The following MAGI2 variants were observed in gnomAD, a reference collection of about 807,000 sequenced individuals.
MAGI2 encodes membrane associated guanylate kinase, WW and PDZ domain containing 2, also known as membrane-associated guanylate kinase, WW and PDZ domain-containing protein 2.
A neutral mutation model predicts 133.3 loss-of-function variants in MAGI2; 35 were observed. The ratio of observed to expected loss-of-function variants is 0.26; its 90% CI spans 0.20 to 0.35. The LOEUF (loss-of-function observed/expected upper bound fraction) is 0.35. Among genes scored for constraint, MAGI2 ranks in the 10% least tolerant of loss-of-function variants. MAGI2 has a pLI of 1.00. For missense variants in MAGI2, 1,636 were observed against 1,863.4 expected, an observed-to-expected ratio of 0.88 and a Z score of 2.25; for synonymous variants, 729 against 710.6, an observed-to-expected ratio of 1.03 and a Z score of -0.41.
At chr7:78,174,042 T>C (rs957081600) in intron 14 of MAGI2, among the ~76,000 whole-genome samples, 20 of 152,224 alleles carry the variant, frequency 1.3e-4, no homozygotes, top group African/African-American at 4.8e-4. Context: ...TTTCTGGGAC[T>C]AGGCCACTTT....
intron 1 of MAGI2, among the ~76,000 whole-genome samples, chr7:79,393,114 T>C (rs548857268): frequency 1.3e-5 from 2 of 152,318 alleles, no homozygotes; most frequent in South Asian, 2.1e-4. Flanking sequence ...AACTTGATCA[T>C]AATCTTTAAA....
chr7:78,484,145 A>G (rs1228919499), intron 6 of MAGI2: 1 of 151,976 alleles, frequency 6.6e-6, no homozygotes, highest in Non-Finnish European at 1.5e-5. Context: ...ACACAAAAGT[A>G]TGAATCTTTT....
intron 1 of MAGI2, among the ~76,000 whole-genome samples, chr7:79,284,543 A>G (rs895126573): frequency 6.6e-6 from 1 of 152,116 alleles, no homozygotes; most frequent in Non-Finnish European, 1.5e-5. Flanking sequence ...CTCTTTCTCT[A>G]TTGAAAAATG....
chr7:79,033,494 A>G, intron 1 of MAGI2, among the ~76,000 whole-genome samples: 1 of 137,872 alleles, frequency 7.3e-6, no homozygotes, highest in East Asian at 2.0e-4. Flanking sequence ...GTAAACTTTA[A>G]TCTATACCTT....
At chr7:78,988,486 T>C (rs1805469353) in intron 2 of MAGI2, among the ~76,000 whole-genome samples, 1 of 152,054 alleles carries the variant, frequency 6.6e-6, no homozygotes, top group African/African-American at 2.4e-5. Flanking sequence ...GAAGGTTCAT[T>C]TTAAACAAAA....
At position 78,853,332 on chromosome 7, in the gene MAGI2, C is replaced by CTTTTTTTTTTTTTTTTTTTTTTTTTTT. The variant is rs60580466; in HGVS notation, c.418+153731_418+153757dup. ...CTCATATTACTCTTGTCCATTCGTT[C>CTTTTTTTTTTTTTTTTTTTTTTTTTTT]TTTTTTTTTTTTTTTTTTTTTTTTT... On this transcript the variant is annotated intron_variant, in intron 2 of 21. Coordinates refer to ENST00000354212, the MANE Select transcript of MAGI2 (RefSeq NM_012301.4). Among the ~76,000 whole-genome samples the CTTTTTTTTTTTTTTTTTTTTTTTTTTT allele has an allele frequency of 8.0e-5, 2 of 25,076 alleles. 1 individual carries two copies. Among genetic ancestry groups the CTTTTTTTTTTTTTTTTTTTTTTTTTTT allele is most frequent in the Non-Finnish European group, 1.4e-4 (2 of 13,910 alleles). 16.5% of individuals were successfully genotyped at this position (25,076 alleles called of 152,430 possible).
In MAGI2 at chr7:78,941,728, T is replaced by TCACACACACACA. The variant is rs3068585; in HGVS notation, c.418+65350_418+65361dup. 2.0e-3 allele frequency among the ~76,000 whole-genome samples: 249 copies of TCACACACACACA among 123,440 alleles called. 2 individuals carry two copies. The highest frequency in any genetic ancestry group is 8.4e-3 in the Middle Eastern group (2 of 238). The allele number at this position is 123,440 out of a possible 152,430, so 81.0% of individuals were successfully genotyped here. A position where few individuals can be genotyped will look rare whatever the true frequency, so the allele number is the denominator to read the frequency against. On this transcript the variant is annotated intron_variant, in intron 2 of 21. Transcript: ENST00000354212. ...AAAACAGTTTCCTGAGCCTATTTCA[T>TCACACACACACA]CACACACACACACACACACACACAC...
At chr7:78,059,783 T>TTTTTTC (rs1164266500) in intron 21 of MAGI2, among the ~76,000 whole-genome samples, 1 of 150,436 alleles carries the variant, frequency 6.6e-6, no homozygotes, top group Non-Finnish European at 1.5e-5. Flanking sequence ...ATATATTTTT[T>TTTTTTC]TTCTGGAGTC....
chr7:79,210,755 C>A (rs916674717), intron 1 of MAGI2, among the ~76,000 whole-genome samples: 1 of 152,044 alleles, frequency 6.6e-6, no homozygotes, highest in African/African-American at 2.4e-5. Flanking sequence ...CTTTGGGATG[C>A]ACTTCACATT....
At chr7:79,348,640 A>T (rs911114422) in intron 1 of MAGI2, among the ~76,000 whole-genome samples, 1 of 151,878 alleles carries the variant, frequency 6.6e-6, no homozygotes, top group Admixed American at 6.6e-5. Flanking sequence ...AGTTTCTACA[A>T]ATCAAAAAGA....
chr7:78,688,226 G>C (rs1816584519), intron 2 of MAGI2, among the ~76,000 whole-genome samples: 1 of 152,040 alleles, frequency 6.6e-6, no homozygotes, highest in African/African-American at 2.4e-5. Flanking sequence ...GATAAAATGA[G>C]CTATCACCTA....
At chr7:78,417,758 G>A (rs1798433858) in intron 6 of MAGI2, among the ~76,000 whole-genome samples, 1 of 152,202 alleles carries the variant, frequency 6.6e-6, no homozygotes, top group African/African-American at 2.4e-5. Flanking sequence ...CAATAGGTTG[G>A]ATAAATTGTC....
intron 3 of MAGI2, among the ~76,000 whole-genome samples, chr7:78,612,096 T>C (rs1806513900): frequency 6.6e-6 from 1 of 152,248 alleles, no homozygotes; most frequent in South Asian, 2.1e-4. Flanking sequence ...ACCTCTACTA[T>C]TGTTTGTAAA....
chr7:78,842,260 C>T (rs568692781), intron 2 of MAGI2, among the ~76,000 whole-genome samples: 1 of 152,008 alleles, frequency 6.6e-6, no homozygotes, highest in Admixed American at 6.6e-5. Context: ...GTGGGGAAGT[C>T]CAGAAAGTGA....
intron 7 of MAGI2, among the ~76,000 whole-genome samples, chr7:78,349,590 G>C (rs573659265): frequency 6.6e-6 from 1 of 152,156 alleles, no homozygotes. Context: ...ATCAAAATGA[G>C]TTTCTAGAGT....
intron 9 of MAGI2, among the ~76,000 whole-genome samples, chr7:78,342,911 A>G (rs578001508): frequency 2.2e-4 from 33 of 152,316 alleles, no homozygotes; most frequent in African/African-American, 7.9e-4. Context: ...ATACCTATGT[A>G]ACAAACCTGC....
chr7:78,925,351 A>G (rs1188595291), intron 2 of MAGI2, among the ~76,000 whole-genome samples: 2 of 152,072 alleles, frequency 1.3e-5, no homozygotes, highest in Admixed American at 6.6e-5. Flanking sequence ...CAGATATTTG[A>G]TATACTTTTA....
chr7:79,024,363 C>T (rs1268910910), intron 1 of MAGI2, among the ~76,000 whole-genome samples: 2 of 152,024 alleles, frequency 1.3e-5, no homozygotes, highest in Non-Finnish European at 2.9e-5. Flanking sequence ...AGTCTAAAAT[C>T]AAAAACTATA....
intron 1 of MAGI2, among the ~76,000 whole-genome samples, chr7:79,255,400 G>A (rs891016286): frequency 4.6e-5 from 7 of 152,112 alleles, no homozygotes; most frequent in Non-Finnish European, 7.4e-5. Context: ...GAAGTGTAAG[G>A]TATTGTAAGG....
Sources: gnomAD v4.1 joint callset for allele counts (sites outside exome capture counted in the v4.1 genomes callset) on GRCh38, gnomAD v4.1.1 for gene constraint, MANE v1.5 for transcripts, NCBI Gene and HGNC (gene_info 2026-07-23, HGNC 2026-07-21) for gene names.